The following MRPL22 variants were observed in gnomAD, a reference collection of about 807,000 sequenced individuals.
The protein encoded by MRPL22 is large ribosomal subunit protein uL22m.
MRPL22 carries 27 observed loss-of-function variants against 32.4 expected under a neutral mutation model. The ratio of observed to expected loss-of-function variants is 0.83; its 90% CI spans 0.61 to 1.15. MRPL22 has a LOEUF of 1.15. Ranked by LOEUF, MRPL22 falls within the 50% of genes most tolerant of loss-of-function variation. The pLI is 0.00. For synonymous variants in MRPL22, 86 were observed against 87.3 expected, an observed-to-expected ratio of 0.99 and a Z score of 0.08; for missense variants, 239 against 260.2, an observed-to-expected ratio of 0.92 and a Z score of 0.56.
intron 2 of MRPL22, 98 bp downstream of exon 2, chr5:154,941,363 C>T: frequency 1.3e-6 from 2 of 1,486,198 alleles, no homozygotes; most frequent in South Asian, 1.2e-5. Context: ...GTGTTTTAGG[C>T]TCTGGGGTTA....
intron 6 of MRPL22, among the ~76,000 whole-genome samples, chr5:154,964,915 C>A (rs1764746812): frequency 6.6e-6 from 1 of 152,120 alleles, no homozygotes; most frequent in Non-Finnish European, 1.5e-5. Flanking sequence ...TCTCACTGTT[C>A]TTATTTGTAG....
rs141328921 is a variant in MRPL22, at chr5:154,944,981, A to G, written c.77+3716A>G. 2.8e-3 allele frequency among the ~76,000 whole-genome samples: 431 copies of G among 152,352 alleles called. 2 individuals are homozygous for G. Among genetic ancestry groups the G allele is most frequent in the African/African-American group, 9.7e-3 (404 of 41,580 alleles). On this transcript the variant is annotated intron_variant, in intron 2 of 6. Coordinates refer to ENST00000523037, the MANE Select transcript of MRPL22 (RefSeq NM_014180.4). ...AGAGAGGAAGGGGCAGTCATAAATC[A>G]TATAGAGCCTTATTATTTTTTGTAA...
intron 6 of MRPL22, among the ~76,000 whole-genome samples, chr5:154,961,636 C>T (rs987463309): frequency 6.6e-6 from 1 of 152,070 alleles, no homozygotes; most frequent in Non-Finnish European, 1.5e-5. Context: ...TCCACTGTTG[C>T]CATTAAGCAA....
In MRPL22 at chr5:154,949,559, A is replaced by C. The variant is rs569270414; in HGVS notation, c.78-1262A>C. On this transcript the variant is annotated intron_variant, in intron 2 of 6. Transcript: ENST00000523037. ...AATTAGAATGGGGAAGAGGTAAAGC[A>C]TTTGAGAACGATTTCAGGGGAATCT... Among the ~76,000 whole-genome samples the C allele has an allele frequency of 8.5e-5, 13 of 152,306 alleles. No individual in the cohort carries two copies. The East Asian group carries it at 2.5e-3, about 29-fold the overall frequency.
At chr5:154,958,011 C>T (rs1000760324) in intron 5 of MRPL22, among the ~76,000 whole-genome samples, 36 of 148,592 alleles carry the variant, frequency 2.4e-4, no homozygotes, top group African/African-American at 8.0e-4. Context: ...CCGCCTCCTG[C>T]GTTCAAGCGA....
chr5:154,958,630 C>T (rs1764663257), intron 5 of MRPL22, among the ~76,000 whole-genome samples: 1 of 150,336 alleles, frequency 6.7e-6, no homozygotes, highest in South Asian at 2.1e-4. Context: ...CTGTAAACTC[C>T]ACCTCCTGGG....
chr5:154,954,177 A>T (rs6580123), intron 3 of MRPL22, among the ~76,000 whole-genome samples: 14,905 of 151,500 alleles, frequency 0.098, 833 homozygotes, highest in Admixed American at 0.15. Flanking sequence ...TTTAGTAGAG[A>T]CGAGTTTTTG....
intron 1 of MRPL22, 26 bp downstream of exon 1, chr5:154,941,164 A>T: frequency 6.2e-7 from 1 of 1,614,124 alleles, no homozygotes; most frequent in Non-Finnish European, 8.5e-7. Flanking sequence ...TGGTTAAGCG[A>T]CAGAAGGGAG....
At chr5:154,950,066 G>A (rs1052336063) in intron 2 of MRPL22, among the ~76,000 whole-genome samples, 9 of 152,288 alleles carry the variant, frequency 5.9e-5, no homozygotes, top group South Asian at 2.1e-4. Flanking sequence ...ACAGTTCTGC[G>A]TGGCTGGGGA....
chr5:154,961,745 G>A (rs1764706952), intron 6 of MRPL22, among the ~76,000 whole-genome samples: 1 of 152,138 alleles, frequency 6.6e-6, no homozygotes, highest in South Asian at 2.1e-4. Context: ...GGAGTGCAGT[G>A]GTGTGATCAC....
intron 5 of MRPL22, among the ~76,000 whole-genome samples, chr5:154,958,719 G>C (rs1465666581): frequency 6.6e-6 from 1 of 150,460 alleles, no homozygotes; most frequent in Non-Finnish European, 1.5e-5. Context: ...TAATATTTTT[G>C]TATTTTTAGT....
Position 154,959,977 on chromosome 5 carries a change from A to T in MRPL22, c.340-3A>T. On this transcript the variant is annotated splice_polypyrimidine_tract_variant and splice_region_variant and intron_variant, in intron 5 of 6. Transcript: ENST00000523037. ...ATAAATGCTTTTCTTTTTCTTATTTAAGGTTCTCTTAGAAGCACAAGATAT... is the reference window on the plus strand; with the variant it reads ...ATAAATGCTTTTCTTTTTCTTATTTTAGGTTCTCTTAGAAGCACAAGATAT... 6.2e-7 allele frequency: 1 copy of T among 1,607,324 alleles called. No individual in the cohort carries two copies.
chr5:154,946,546 G>A (rs971532033), intron 2 of MRPL22, among the ~76,000 whole-genome samples: 1 of 152,110 alleles, frequency 6.6e-6, no homozygotes. Flanking sequence ...GGGTGTGGTG[G>A]CTCACACCTG....
At chr5:154,946,371 T>C (rs1418930167) in intron 2 of MRPL22, among the ~76,000 whole-genome samples, 1 of 152,140 alleles carries the variant, frequency 6.6e-6, no homozygotes, top group East Asian at 1.9e-4. Context: ...TACAACTACA[T>C]AGAACCATAA....
chr5:154,950,903 C>T lies in MRPL22; in HGVS notation c.160C>T (p.Pro54Ser). 6.2e-7 allele frequency: 1 copy of T among 1,613,398 alleles called. No homozygotes were observed. The highest frequency in any genetic ancestry group is 8.5e-7 in the Non-Finnish European group (1 of 1,179,396). ...GGAGAAGAAGAATAAAATTGTTTAT[C>T]CTCCACAACTGCCTGGAGAACCTCG... Reference protein sequence around the residue: ...KWEKKNKIVYPPQLPGEPRRP... With the variant: ...KWEKKNKIVYSPQLPGEPRRP... Residue 54 changes from proline to serine, a missense_variant, in exon 3 of 7, where the codon CCT becomes TCT. By Grantham distance (74) the Pro-to-Ser change is moderately conservative. Transcript: ENST00000523037.
rs865797818 is a variant in MRPL22, at chr5:154,948,558, G to A, written c.78-2263G>A. Among the ~76,000 whole-genome samples the A allele has an allele frequency of 6.6e-5, 10 of 152,152 alleles. 1 individual carries two copies. In the Middle Eastern group the frequency reaches 0.014, roughly 208 times the overall value. ...TCTGTGTTTCCTATTTTGAATCTAG[G>A]GGCTTGAGCCCCCAGTTTCATTTTG... On this transcript the variant is annotated intron_variant, in intron 2 of 6. Transcript: ENST00000523037.
intron 6 of MRPL22, among the ~76,000 whole-genome samples, chr5:154,962,012 A>C (rs1324663054): frequency 6.6e-6 from 1 of 152,160 alleles, no homozygotes; most frequent in Non-Finnish European, 1.5e-5. Flanking sequence ...TCTTTTGCAC[A>C]TTTCTGCTGA....
intron 2 of MRPL22, 63 bp from the exon 3 acceptor site, chr5:154,950,757 AT>A: frequency 9.7e-7 from 1 of 1,026,126 alleles, no homozygotes; most frequent in Non-Finnish European, 1.5e-6. Flanking sequence ...TTCAAAAGAT[AT>A]GTAAACTCTA....
intron 2 of MRPL22, among the ~76,000 whole-genome samples, chr5:154,941,472 A>G (rs1764414641): frequency 6.6e-6 from 1 of 152,138 alleles, no homozygotes; most frequent in South Asian, 2.1e-4. Flanking sequence ...CCCATAACCC[A>G]AGGGCGATTG....
Sources: gnomAD v4.1 joint callset for allele counts (sites outside exome capture counted in the v4.1 genomes callset) on GRCh38, gnomAD v4.1.1 for gene constraint, MANE v1.5 for transcripts, NCBI Gene and HGNC (gene_info 2026-07-23, HGNC 2026-07-21) for gene names.